The following SMC4 variants were observed in gnomAD, a reference collection of about 807,000 sequenced individuals.
SMC4 encodes structural maintenance of chromosomes protein 4.
A neutral mutation model predicts 145.6 loss-of-function variants in SMC4; 87 were observed. The observed-to-expected ratio is 0.60, with a 90% confidence interval of 0.50 to 0.71. The LOEUF (loss-of-function observed/expected upper bound fraction) is 0.71. Among genes scored for constraint, SMC4 ranks in the 30% least tolerant of loss-of-function variants. The pLI, the probability that SMC4 is intolerant of heterozygous loss-of-function variation, is 0.00. For synonymous variants in SMC4, 558 were observed against 500.7 expected (o/e 1.11, Z -1.53); for missense variants, 1,447 against 1,537.1 (o/e 0.94, Z 0.98).
chr3:160,432,320 A>G lies in SMC4; in HGVS notation c.3335A>G (p.Lys1112Arg). Reference protein sequence around the residue: ...LYLQRVAELDKITYERDSFRQ... With the variant: ...LYLQRVAELDRITYERDSFRQ... ...TTGCAACGGGTAGCAGAATTGGACA[A>G]AATTACTTATGAAAGAGACAGTTTT... Residue 1112 changes from lysine (K) to arginine (R), a missense_variant, in exon 22 of 24, where the codon AAA (lysine) becomes AGA (arginine). Coordinates refer to ENST00000357388, the MANE Select transcript of SMC4 (RefSeq NM_001002800.3). 6.2e-7 allele frequency: 1 copy of G among 1,612,108 alleles called. No individual in the cohort carries two copies. Among genetic ancestry groups the G allele is most frequent in the South Asian group, 1.1e-5 (1 of 90,358 alleles).
chr3:160,430,086 T>C (rs1034184950), intron 18 of SMC4, among the ~76,000 whole-genome samples: 8 of 152,234 alleles, frequency 5.3e-5, no homozygotes, highest in African/African-American at 1.9e-4. Context: ...TATTGAAATT[T>C]AAATAGCCAT....
At chr3:160,411,035 C>G (rs963547080) in intron 5 of SMC4, among the ~76,000 whole-genome samples, 2 of 152,274 alleles carry the variant, frequency 1.3e-5, no homozygotes, top group Non-Finnish European at 2.9e-5. Context: ...TGAACATACT[C>G]AGACACAATT....
intron 9 of SMC4, 85 bp from the exon 10 acceptor site, chr3:160,416,166 G>C (rs542816217): frequency 3.1e-6 from 3 of 958,580 alleles, no homozygotes; most frequent in Non-Finnish European, 4.4e-6. Context: ...AGAGGACCCT[G>C]AGAAATGCCT....
At position 160,417,889 on chromosome 3, in the gene SMC4, A is replaced by G. The variant is rs774604916; in HGVS notation, c.1604A>G (p.Lys535Arg). 8.7e-6 allele frequency: 14 copies of G among 1,613,486 alleles called. No homozygotes were observed. Among genetic ancestry groups the G allele is most frequent in the Non-Finnish European group, 4.2e-6 (5 of 1,179,758 alleles). Residue 535 changes from lysine (K) to arginine (R), a missense_variant, in exon 11 of 24, where the codon AAA becomes AGA. Transcript: ENST00000357388. ...CTAATTGCAGCTTCTGAGACTCTCA[A>G]AGAAAGGAAAGCTGCAATCAGAGAT... is the stretch of plus-strand genomic sequence containing the variant. Reference protein sequence around the residue: ...EALIAASETLKERKAAIRDIE... With the variant: ...EALIAASETLRERKAAIRDIE...
intron 22 of SMC4, chr3:160,432,822 A>C (rs1050555178): frequency 3.7e-5 from 20 of 545,076 alleles, no homozygotes; most frequent in Admixed American, 1.3e-4. Flanking sequence ...TTGCTCTTTA[A>C]ATCTTAAAAC....
At position 160,400,862 on chromosome 3, in the gene SMC4, G is replaced by A. The variant is rs763042836; in HGVS notation, c.36G>A (p.Arg12=). 9.1e-6 allele frequency: 14 copies of A among 1,531,868 alleles called. No homozygotes were observed. The highest frequency in any genetic ancestry group is 1.4e-5 in the African/African-American group (1 of 69,704). The allele number at this position is 1,531,868 out of a possible 1,614,324, so 94.9% of individuals were successfully genotyped here. A position where few individuals can be genotyped will look rare whatever the true frequency, so the allele number is the denominator to read the frequency against. ...AAGGCACCCAGCCCTCCACTGCCCG[G>A]CGCAGAGAGGAAGGGCCGCCGCCGC... ...PRKGTQPSTA[R]RREEGPPPPS... is the part of the protein sequence containing the mutation. The change falls in exon 2 of 24, where the codon CGG becomes CGA. Residue 12 remains arginine, a synonymous_variant. Coordinates refer to ENST00000357388, the MANE Select transcript of SMC4 (RefSeq NM_001002800.3).
chr3:160,417,371 G>A (rs1716696392), intron 10 of SMC4, among the ~76,000 whole-genome samples: 1 of 152,142 alleles, frequency 6.6e-6, no homozygotes, highest in Non-Finnish European at 1.5e-5. Flanking sequence ...TTCATGATGG[G>A]ATACTTCATA....
In SMC4 at chr3:160,434,007, T is replaced by G; in HGVS notation, c.*198T>G. 1 of 423,180 alleles carries G rather than the reference T, an allele frequency of 2.4e-6. No individual in the cohort carries two copies. Among genetic ancestry groups the G allele is most frequent in the South Asian group, 3.6e-5 (1 of 27,806 alleles). 26.2% of individuals were successfully genotyped at this position (423,180 alleles called of 1,614,324 possible). ...TCTAGATTACAAAAATATGACAATC[T>G]TGTAAGTAGCAGACTATGGAGAAAA... is the stretch of plus-strand genomic sequence containing the variant. On this transcript the variant is annotated 3_prime_UTR_variant, in exon 24 of 24. Transcript: ENST00000357388.
chr3:160,407,704 C>A (rs1715496933), intron 5 of SMC4, among the ~76,000 whole-genome samples: 1 of 151,760 alleles, frequency 6.6e-6, no homozygotes. Context: ...GGGTTCTAGT[C>A]TCTTAGTCTG....
At chr3:160,413,266 C>T (rs773273472) in intron 7 of SMC4, among the ~76,000 whole-genome samples, 11 of 151,870 alleles carry the variant, frequency 7.2e-5, no homozygotes, top group Admixed American at 6.6e-5. Flanking sequence ...TTACAGGCGT[C>T]GGCCACCACA....
intron 18 of SMC4, among the ~76,000 whole-genome samples, 173 bp from the exon 19 acceptor site, chr3:160,430,426 T>C (rs1718274441): frequency 6.6e-6 from 1 of 152,166 alleles, no homozygotes; most frequent in Admixed American, 6.5e-5. Flanking sequence ...CCCATAAGTG[T>C]TTGTATAAAC....
intron 13 of SMC4, among the ~76,000 whole-genome samples, chr3:160,421,746 CAAACA>C (rs1476672824): frequency 3.3e-5 from 5 of 152,044 alleles, no homozygotes; most frequent in African/African-American, 1.2e-4. Context: ...TCAAAAACAA[CAAACA>C]AAACAATCAT....
intron 13 of SMC4, among the ~76,000 whole-genome samples, chr3:160,422,537 T>G (rs1180720125): frequency 3.3e-5 from 5 of 152,220 alleles, no homozygotes; most frequent in African/African-American, 7.2e-5. Flanking sequence ...TTTAATTGGT[T>G]TCTCTTTGTT....
At chr3:160,429,729 T>C (rs1718178821) in intron 18 of SMC4, among the ~76,000 whole-genome samples, 2 of 150,908 alleles carry the variant, frequency 1.3e-5, no homozygotes, top group Non-Finnish European at 3.0e-5. Flanking sequence ...TTTTTTTTTT[T>C]TCTTTTTGAG....
Position 160,401,910 on chromosome 3 carries a change from C to G in SMC4, c.140-5C>G, listed in dbSNP as rs567439637. The G allele has an allele frequency of 3.1e-6, 5 of 1,597,800 alleles. No homozygotes were observed. In the South Asian group the frequency reaches 3.4e-5, roughly 11 times the overall value. ...CTTCGTTTTCCTTTCCTTTCACTGA[C>G]TTAGAGACTGCAAGTGAGGAACTTG... On this transcript the variant is annotated splice_polypyrimidine_tract_variant and splice_region_variant and intron_variant, in intron 2 of 23. Coordinates refer to ENST00000357388, the MANE Select transcript of SMC4 (RefSeq NM_001002800.3).
intron 7 of SMC4, among the ~76,000 whole-genome samples, chr3:160,413,180 C>T (rs557167589): frequency 7.3e-5 from 11 of 151,666 alleles, no homozygotes; most frequent in African/African-American, 1.5e-4. Flanking sequence ...GATGGGGTTT[C>T]GCCATGTTGC....
In SMC4 at chr3:160,424,909, G is replaced by C; in HGVS notation, c.2368G>C (p.Ala790Pro). ...ESQLQNDSKK[A>P]MQIQEQKVQL... is the part of the protein sequence containing the mutation. ...ACAGTTGCAAAACGACTCTAAAAAA[G>C]CAATGCAAATCCAAGAACAGAAAGT... Residue 790 changes from alanine (A) to proline (P), a missense_variant, in exon 16 of 24, where the codon GCA becomes CCA. Physicochemically the swap from Ala to Pro is conservative, Grantham distance 27 (BLOSUM62 -1). Transcript: ENST00000357388. 1 of 1,613,942 alleles carries C rather than the reference G, an allele frequency of 6.2e-7. No homozygotes were observed.
In SMC4 at chr3:160,430,631, G is replaced by A. The variant is rs150989784; in HGVS notation, c.2828G>A (p.Arg943His). 4.3e-5 allele frequency: 69 copies of A among 1,612,858 alleles called. No individual in the cohort carries two copies. The Middle Eastern group carries it at 6.6e-4, about 15-fold the overall frequency. Reference protein sequence around the residue: ...NLQKAQDSVLRTEKEIKDTEK... With the variant: ...NLQKAQDSVLHTEKEIKDTEK... The stretch of plus-strand genomic sequence containing the variant: ...CAAAAGGCACAAGACTCTGTCTTGC[G>A]TACAGAGAAAGAAATAAAAGATACT... The change falls in exon 19 of 24, where the codon CGT becomes CAT. Residue 943 changes from arginine to histidine, a missense_variant. Arg to His is a conservative substitution (Grantham distance 29, BLOSUM62 0). Transcript: ENST00000357388.
chr3:160,429,728 TTTC>T (rs1324262985), intron 18 of SMC4, among the ~76,000 whole-genome samples: 1 of 150,554 alleles, frequency 6.6e-6, no homozygotes, highest in Admixed American at 6.6e-5. Context: ...TTTTTTTTTT[TTTC>T]TTTTTGAGAC....
Sources: allele counts gnomAD v4.1 joint callset (sites outside exome capture counted in the v4.1 genomes callset), GRCh38; gene constraint gnomAD v4.1.1; transcripts MANE v1.5; gene names NCBI Gene and HGNC (gene_info 2026-07-23, HGNC 2026-07-21).